Variants in GRIA3 observed in about 807,000 individuals in gnomAD.
The protein encoded by GRIA3 is glutamate receptor 3.
In GRIA3, 3 loss-of-function variants were observed where a neutral mutation model predicts 63.0. The ratio of observed to expected loss-of-function variants is 0.05; its 90% CI spans 0.02 to 0.12. The LOEUF is 0.12. GRIA3 is among the 10% of genes least tolerant of loss of function. GRIA3 has a pLI of 1.00. For synonymous variants in GRIA3, 274 were observed against 257.9 expected (o/e 1.06, Z -0.60); for missense variants, 347 against 700.9 (o/e 0.50, Z 5.70).
intron 15 of GRIA3, among the ~76,000 whole-genome samples, chrX:123,486,446 G>A (rs1289607270): frequency 9.0e-6 from 1 of 111,700 alleles, no homozygotes; most frequent in African/African-American, 3.3e-5. Flanking sequence ...TAGCACCTTG[G>A]CAACCATCTC....
At chrX:123,204,230 C>G (rs1176872317) in intron 2 of GRIA3, among the ~76,000 whole-genome samples, 2 of 111,758 alleles carry the variant, frequency 1.8e-5, no homozygotes, top group Non-Finnish European at 3.8e-5. Flanking sequence ...TGCAGTAACC[C>G]CGCAGATCAC....
At chrX:123,483,602 A>G (rs1355408038) in intron 15 of GRIA3, among the ~76,000 whole-genome samples, 5 of 112,319 alleles carry the variant, frequency 4.5e-5, no homozygotes, top group Non-Finnish European at 9.4e-5. Flanking sequence ...GTATTGGACA[A>G]TGCATCTCTA....
intron 6 of GRIA3, among the ~76,000 whole-genome samples, chrX:123,396,233 A>AATAATAATG (rs1354946998): frequency 0.013 from 1,414 of 105,515 alleles, 8 homozygotes; most frequent in Middle Eastern, 0.024. Flanking sequence ...TAATAATAAT[A>AATAATAATG]ATGATGATAA....
chrX:123,465,157 A>G (rs1358316829), intron 13 of GRIA3, 45 bp downstream of exon 13: 1 of 1,145,352 alleles, frequency 8.7e-7, no homozygotes, highest in East Asian at 3.0e-5. Context: ...ATAGTATTCC[A>G]CCTACCCTGA....
chrX:123,218,348 C>G (rs1928210727), intron 2 of GRIA3, among the ~76,000 whole-genome samples: 1 of 112,450 alleles, frequency 8.9e-6, no homozygotes, highest in Non-Finnish European at 1.9e-5. Context: ...TCCTAACATA[C>G]TGTTCTGAGT....
At chrX:123,312,817 T>C (rs1013113205) in intron 3 of GRIA3, among the ~76,000 whole-genome samples, 6 of 106,535 alleles carry the variant, frequency 5.6e-5, no homozygotes, top group Non-Finnish European at 1.2e-4. Flanking sequence ...AGAAACTTTG[T>C]TTTACATTAA....
chrX:123,427,846 T>G, intron 11 of GRIA3, 95 bp from the exon 12 acceptor site: 1 of 635,149 alleles, frequency 1.6e-6, no homozygotes, highest in Non-Finnish European at 2.7e-6. Context: ...TCAGCTATAC[T>G]GAAACCACTC....
intron 5 of GRIA3, among the ~76,000 whole-genome samples, chrX:123,374,414 G>A (rs4298622): frequency 0.37 from 41,088 of 110,590 alleles, 6,126 homozygotes; most frequent in Middle Eastern, 0.6. Context: ...TAGCTTGATG[G>A]GGATGGCATT....
At chrX:123,399,183 G>A (rs1275954048) in intron 7 of GRIA3, among the ~76,000 whole-genome samples, 1 of 111,724 alleles carries the variant, frequency 9.0e-6, no homozygotes, top group Non-Finnish European at 1.9e-5. Flanking sequence ...TATTTTATAA[G>A]ATGTTCCTAA....
At chrX:123,199,895 G>A (rs183186890) in intron 2 of GRIA3, among the ~76,000 whole-genome samples, 7 of 111,705 alleles carry the variant, frequency 6.3e-5, no homozygotes, top group Admixed American at 1.9e-4. Flanking sequence ...ATCATAGACC[G>A]TTGGAGCTGG....
rs757186325 is a variant in GRIA3, at chrX:123,463,186, T to C, written c.2077-1679T>C. 3.6e-5 allele frequency among the ~76,000 whole-genome samples: 4 copies of C among 109,765 alleles called. No individual in the cohort carries two copies. The South Asian group carries it at 1.6e-3, about 43-fold the overall frequency. On this transcript the variant is annotated intron_variant, in intron 12 of 15. Coordinates refer to ENST00000620443, the MANE Select transcript of GRIA3 (RefSeq NM_007325.5). Reference sequence around the variant, plus strand: ...ATTATATTCTTCCAGTGCTTCTCAATAAAAAAAAATTTTGTTGAAAGGATA... The same window carrying C: ...ATTATATTCTTCCAGTGCTTCTCAACAAAAAAAAATTTTGTTGAAAGGATA...
At chrX:123,388,650 A>G (rs1210342204) in intron 5 of GRIA3, among the ~76,000 whole-genome samples, 1 of 111,386 alleles carries the variant, frequency 9.0e-6, no homozygotes, top group Non-Finnish European at 1.9e-5. Context: ...CTAGTGGTTT[A>G]TTGATTTTAT....
intron 5 of GRIA3, among the ~76,000 whole-genome samples, chrX:123,373,138 A>G (rs1187308850): frequency 9.1e-6 from 1 of 109,854 alleles, no homozygotes; most frequent in Non-Finnish European, 1.9e-5. Flanking sequence ...TCCTTGTGAT[A>G]GTTTGCTCAG....
intron 4 of GRIA3, among the ~76,000 whole-genome samples, chrX:123,342,931 A>G (rs1020703940): frequency 1.8e-5 from 2 of 111,321 alleles, no homozygotes; most frequent in African/African-American, 6.5e-5. Context: ...CCACAATAGT[A>G]GTGACAGTTG....
At chrX:123,334,080 ACC>A (rs1384074549) in intron 4 of GRIA3, among the ~76,000 whole-genome samples, 2 of 111,746 alleles carry the variant, frequency 1.8e-5, no homozygotes, top group Non-Finnish European at 3.8e-5. Context: ...CAATAATGCA[ACC>A]CAAACTACAG....
At position 123,473,679 on chromosome X, in the gene GRIA3, T is replaced by C. The variant is rs983772664; in HGVS notation, c.2325-6384T>C. ...TAAAAAGTTGTTCCCAAAAGATCAC[T>C]AGATACCAAGAAGCAGGTGTTAGTA... On this transcript the variant is annotated intron_variant, in intron 13 of 15. Transcript: ENST00000620443. 3.6e-5 allele frequency among the ~76,000 whole-genome samples: 4 copies of C among 111,915 alleles called. No individual in the cohort carries two copies. The South Asian group carries it at 1.1e-3, about 31-fold the overall frequency.
chrX:123,417,775 C>A lies in GRIA3; in HGVS notation c.1874C>A (p.Pro625Gln). The change falls in exon 11 of 16, where the codon CCA (proline) becomes CAA (glutamine). Residue 625 changes from proline (P) to glutamine (Q), a missense_variant. Pro to Gln is a moderately conservative substitution (Grantham distance 76, BLOSUM62 -1). Around this residue, in one of 8 missense-constraint regions of GRIA3, gnomAD observed 49 missense variants for 176.6 expected, o/e 0.28. Coordinates refer to ENST00000620443, the MANE Select transcript of GRIA3 (RefSeq NM_007325.5). ...AFMQQGCDIS[P>Q]RSLSGRIVGG... ...ATGCAGCAAGGATGTGATATTTCTC[C>A]AAGGTTTGTTTTTGTGGCATACTCA... 8.4e-7 allele frequency: 1 copy of A among 1,186,087 alleles called. No homozygotes were observed. Among genetic ancestry groups the A allele is most frequent in the Non-Finnish European group, 1.1e-6 (1 of 882,486 alleles).
intron 5 of GRIA3, among the ~76,000 whole-genome samples, chrX:123,389,942 G>A (rs1351146236): frequency 9.0e-6 from 1 of 111,413 alleles, no homozygotes; most frequent in Non-Finnish European, 1.9e-5. Flanking sequence ...TCCTGACCTC[G>A]TGATCCTCCT....
chrX:123,191,040 ACAGGGC>A (rs968318968), intron 2 of GRIA3, among the ~76,000 whole-genome samples: 2 of 112,371 alleles, frequency 1.8e-5, no homozygotes, highest in African/African-American at 6.5e-5. Context: ...AGATTTTAAG[ACAGGGC>A]CAGAATTTTA....
Sources: allele counts gnomAD v4.1 joint callset (sites outside exome capture counted in the v4.1 genomes callset), GRCh38; gene constraint gnomAD v4.1.1; regional missense constraint gnomAD v4.1.1; transcripts MANE v1.5; gene names NCBI Gene and HGNC (gene_info 2026-07-23, HGNC 2026-07-21).